The following CFAP92 variants were observed in gnomAD, a reference collection of about 807,000 sequenced individuals.
CFAP92 encodes the protein cilia and flagella associated protein 92 (putative), also known as uncharacterized protein CFAP92.
In CFAP92, 86 loss-of-function variants were observed where a neutral mutation model predicts 106.3. That is an observed-to-expected ratio of 0.81 (90% confidence interval 0.68 to 0.97). CFAP92 has a LOEUF of 0.97. CFAP92 is among the 50% of genes least tolerant of loss of function. The pLI is 0.00. For synonymous variants in CFAP92, 477 were observed against 506.4 expected (o/e 0.94, Z 0.78); for missense variants, 1,204 against 1,283.8 (o/e 0.94, Z 0.95).
chr3:129,017,153 T>C, the CFAP92 span, among the ~76,000 whole-genome samples: 1 of 152,220 alleles, frequency 6.6e-6, no homozygotes, highest in African/African-American at 2.4e-5. Flanking sequence ...TTGGCCAGAA[T>C]TGCATCACAT....
intron 12 of CFAP92, among the ~76,000 whole-genome samples, chr3:128,927,912 C>T (rs1937872251): frequency 6.6e-6 from 1 of 151,976 alleles, no homozygotes; most frequent in Admixed American, 6.6e-5. Flanking sequence ...ATTGGCAACC[C>T]CAAAATTGTT....
Position 128,989,036 on chromosome 3 carries a change from G to A in CFAP92, c.263-118C>T, listed in dbSNP as rs947848519. The A allele has an allele frequency of 4.9e-5, 38 of 768,076 alleles. 1 individual carries two copies. The Admixed American group carries it at 7.8e-4, about 16-fold the overall frequency. 47.6% of individuals were successfully genotyped at this position (768,076 alleles called of 1,614,324 possible). A position where few individuals can be genotyped will look rare whatever the true frequency, so the allele number is the denominator to read the frequency against. ...GCTGAGCACTCCACATTGCCTGCCC[G>A]ACTTGGGGAAGGAGGTACAGGTCCA... On this transcript the variant is annotated intron_variant, in intron 2 of 15. Coordinates refer to ENST00000645291, the MANE Select transcript of CFAP92 (RefSeq NM_001394090.1).
chr3:128,963,607 A>G (rs1942124944), intron 9 of CFAP92, among the ~76,000 whole-genome samples: 1 of 150,370 alleles, frequency 6.7e-6, no homozygotes, highest in Non-Finnish European at 1.5e-5. Flanking sequence ...TCCACCTGAT[A>G]TTCACCCCAT....
At chr3:128,924,121 G>A (rs1290649151) in intron 12 of CFAP92, among the ~76,000 whole-genome samples, 1 of 152,200 alleles carries the variant, frequency 6.6e-6, no homozygotes, top group African/African-American at 2.4e-5. Flanking sequence ...AAGGGGGCAT[G>A]TTGGGGAAAA....
intron 12 of CFAP92, among the ~76,000 whole-genome samples, chr3:128,920,462 C>A (rs1436931657): frequency 6.6e-6 from 1 of 152,050 alleles, no homozygotes; most frequent in Admixed American, 6.6e-5. Flanking sequence ...GAGAATTTCA[C>A]CAGACACCTG....
intron 4 of CFAP92, chr3:128,978,420 C>T (rs896627150): frequency 5.6e-5 from 20 of 360,014 alleles, no homozygotes; most frequent in Non-Finnish European, 8.4e-5. Flanking sequence ...AATGTACATA[C>T]CTAAGTTTAA....
chr3:129,003,797 G>A, upstream of CFAP92: 1 of 1,454,864 alleles, frequency 6.9e-7, no homozygotes, highest in Non-Finnish European at 9.0e-7. Flanking sequence ...CCCGCAGGTC[G>A]GACTCTGGAA....
chr3:129,004,753 G>C (rs1944993939), upstream of CFAP92, among the ~76,000 whole-genome samples: 1 of 152,124 alleles, frequency 6.6e-6, no homozygotes, highest in South Asian at 2.1e-4. Context: ...CAGCTGCCCT[G>C]TGAGGTGGGT....
At chr3:128,963,248 C>A (rs943745550) in intron 9 of CFAP92, among the ~76,000 whole-genome samples, 1 of 152,186 alleles carries the variant, frequency 6.6e-6, no homozygotes, top group African/African-American at 2.4e-5. Flanking sequence ...ATGCTTAGTG[C>A]GGTCAGAATT....
chr3:129,008,935 T>G, the CFAP92 span, among the ~76,000 whole-genome samples: 1 of 150,092 alleles, frequency 6.7e-6, no homozygotes, highest in South Asian at 2.1e-4. Context: ...CAGCTCCTTA[T>G]TCTTCAAATC....
chr3:128,921,397 A>G (rs1473980351), intron 12 of CFAP92, among the ~76,000 whole-genome samples: 1 of 152,256 alleles, frequency 6.6e-6, no homozygotes, highest in Non-Finnish European at 1.5e-5. Flanking sequence ...AGCTTCTTAC[A>G]TACAATAATG....
the CFAP92 span, among the ~76,000 whole-genome samples, chr3:129,015,218 GC>G: frequency 2.0e-5 from 3 of 151,938 alleles, no homozygotes. Flanking sequence ...CCCTTCTCAG[GC>G]CCTTTGGGCA....
the CFAP92 span, among the ~76,000 whole-genome samples, chr3:129,013,825 A>G: frequency 3.3e-5 from 5 of 152,200 alleles, no homozygotes; most frequent in Non-Finnish European, 7.4e-5. Flanking sequence ...AACAGTAGTC[A>G]GGGGGCTGGA....
chr3:129,026,734 T>C, the CFAP92 span, among the ~76,000 whole-genome samples: 1 of 151,938 alleles, frequency 6.6e-6, no homozygotes, highest in Non-Finnish European at 1.5e-5. Context: ...GCCTGTGGAG[T>C]AGGGAGATAC....
intron 8 of CFAP92, 54 bp from the exon 9 acceptor site, chr3:128,965,749 G>T (rs575247510): frequency 5.0e-6 from 2 of 396,742 alleles, no homozygotes; most frequent in South Asian, 1.3e-4. Context: ...CCCAAGACAC[G>T]CACAGAGGGA....
chr3:128,929,019 A>C (rs1215744441), intron 12 of CFAP92, among the ~76,000 whole-genome samples: 1 of 152,212 alleles, frequency 6.6e-6, no homozygotes, highest in African/African-American at 2.4e-5. Flanking sequence ...GCACTTCGGG[A>C]AGCCAACGTG....
Position 128,978,078 on chromosome 3 carries a change from C to G in CFAP92, c.775G>C (p.Glu259Gln). 1 of 1,613,906 alleles carries G rather than the reference C, an allele frequency of 6.2e-7. No homozygotes were observed. Among genetic ancestry groups the G allele is most frequent in the Non-Finnish European group, 8.5e-7 (1 of 1,179,862 alleles). The change falls in exon 5 of 16, where the codon GAA (glutamate) becomes CAA (glutamine). Residue 259 changes from glutamate to glutamine, a missense_variant. Physicochemically the swap from Glu to Gln is conservative, Grantham distance 29. Transcript: ENST00000645291. ...GACTTTGGGTGTTTTTCTGTTTTTTCTTGTTTTCCTGGCGGATGTTCCTGG... is the reference window on the plus strand; with the variant it reads ...GACTTTGGGTGTTTTTCTGTTTTTTGTTGTTTTCCTGGCGGATGTTCCTGG... The part of the protein sequence containing the change: ...SNQEHPPGKQ[E>Q]KTEKHPKSLQ...
rs545853145 is a variant in CFAP92, at chr3:128,982,354, C to T, written c.668-4169G>A. Among the ~76,000 whole-genome samples the T allele has an allele frequency of 2.6e-5, 4 of 152,342 alleles. No homozygotes were observed. The South Asian group carries it at 6.2e-4, about 24-fold the overall frequency. ...CTAGCTTCAAAGTTGTCTTTTGCAGCGTCCTCACCTCTCTCAGCCTTCATG... is the reference window on the plus strand; with the variant it reads ...CTAGCTTCAAAGTTGTCTTTTGCAGTGTCCTCACCTCTCTCAGCCTTCATG... On this transcript the variant is annotated intron_variant, in intron 4 of 15. Coordinates refer to ENST00000645291, the MANE Select transcript of CFAP92 (RefSeq NM_001394090.1).
chr3:129,006,787 C>T (rs192542979), upstream of CFAP92, among the ~76,000 whole-genome samples: 146 of 152,290 alleles, frequency 9.6e-4, no homozygotes, highest in East Asian at 2.9e-3. Flanking sequence ...CCTCTAGAAA[C>T]ATGCCTTCAA....
Sources: gnomAD v4.1 joint callset for allele counts (sites outside exome capture counted in the v4.1 genomes callset) on GRCh38, gnomAD v4.1.1 for gene constraint, MANE v1.5 for transcripts, NCBI Gene and HGNC (gene_info 2026-07-23, HGNC 2026-07-21) for gene names.